The following PZP variants were observed in gnomAD, a reference collection of about 807,000 sequenced individuals.
The protein encoded by PZP is PZP alpha-2-macroglobulin like.
A neutral mutation model predicts 179.8 loss-of-function variants in PZP; 150 were observed. The observed-to-expected ratio is 0.83, with a 90% CI of 0.73 to 0.96. PZP has a LOEUF of 0.96. PZP is among the 40% of genes least tolerant of loss of function. The pLI, the probability that PZP is intolerant of heterozygous loss-of-function variation, is 0.00. For synonymous variants in PZP, 624 were observed against 652.3 expected (o/e 0.96, Z 0.66); for missense variants, 1,689 against 1,764.0 (o/e 0.96, Z 0.76).
chr12:9,177,455 C>T (rs1045271993), intron 15 of PZP, among the ~76,000 whole-genome samples: 2 of 152,190 alleles, frequency 1.3e-5, no homozygotes, highest in Admixed American at 6.5e-5. Context: ...GCTAGACCCA[C>T]CTAGCTAAGC....
At chr12:9,158,307 C>T in intron 26 of PZP, 113 bp downstream of exon 26, 1 of 1,414,712 alleles carries the variant, frequency 7.1e-7, no homozygotes, top group Non-Finnish European at 9.7e-7. Flanking sequence ...GATGCCATCC[C>T]ACATCATCCA....
At chr12:9,151,391 TATTC>T (rs1940342473) in intron 33 of PZP, among the ~76,000 whole-genome samples, 1 of 152,212 alleles carries the variant, frequency 6.6e-6, no homozygotes, top group East Asian at 1.9e-4. Flanking sequence ...TTCATAGAAA[TATTC>T]ATATTCCAAT....
At chr12:9,172,619 T>A (rs1433093391) in intron 15 of PZP, among the ~76,000 whole-genome samples, 9 of 151,868 alleles carry the variant, frequency 5.9e-5, no homozygotes, top group Non-Finnish European at 1.3e-4. Context: ...AGACACAGGC[T>A]CAAAATAAAG....
intron 22 of PZP, chr12:9,162,346 G>C (rs777913125): frequency 1.8e-4 from 76 of 411,360 alleles, no homozygotes; most frequent in Middle Eastern, 6.4e-4. Context: ...GGGCTATCCA[G>C]GTAAAAGGGC....
At chr12:9,187,077 CAAA>C (rs59000486) in intron 13 of PZP, among the ~76,000 whole-genome samples, 24 of 128,694 alleles carry the variant, frequency 1.9e-4, no homozygotes, top group South Asian at 7.6e-4. Flanking sequence ...CAAGAAAGGT[CAAA>C]AAAAAAAAAA....
intron 13 of PZP, among the ~76,000 whole-genome samples, chr12:9,184,804 G>C (rs1280300572): frequency 2.0e-5 from 3 of 152,178 alleles, no homozygotes; most frequent in African/African-American, 7.2e-5. Context: ...GTCCTGAACT[G>C]AGCCTTGCTC....
At chr12:9,187,517 A>C (rs1267470515) in intron 13 of PZP, among the ~76,000 whole-genome samples, 1 of 152,222 alleles carries the variant, frequency 6.6e-6, no homozygotes. Flanking sequence ...AGAATTCAAT[A>C]AGAAGAAAAT....
intron 13 of PZP, among the ~76,000 whole-genome samples, chr12:9,191,914 T>A (rs1943479216): frequency 6.6e-6 from 1 of 152,184 alleles, no homozygotes; most frequent in Admixed American, 6.5e-5. Flanking sequence ...AGAAGGCAGC[T>A]TAGATTTTGA....
chr12:9,150,484 A>C (rs551762403), intron 34 of PZP, among the ~76,000 whole-genome samples, 160 bp downstream of exon 34: 5 of 152,108 alleles, frequency 3.3e-5, no homozygotes, highest in Non-Finnish European at 7.4e-5. Context: ...GGGTTTTGCT[A>C]TGTTGGCCAG....
At chr12:9,189,556 CA>C (rs1440143526) in intron 13 of PZP, among the ~76,000 whole-genome samples, 6 of 152,144 alleles carry the variant, frequency 3.9e-5, no homozygotes, top group Non-Finnish European at 8.8e-5. Flanking sequence ...ACAACCTAGG[CA>C]ATACCATTCT....
chr12:9,167,768 A>G (rs758703061), intron 17 of PZP, among the ~76,000 whole-genome samples: 12 of 152,068 alleles, frequency 7.9e-5, no homozygotes, highest in Non-Finnish European at 1.5e-4. Context: ...TATGCCGTCA[A>G]TTTTCCATCT....
intron 34 of PZP, among the ~76,000 whole-genome samples, chr12:9,150,125 T>C (rs1459947253): frequency 6.6e-6 from 1 of 152,222 alleles, no homozygotes; most frequent in Non-Finnish European, 1.5e-5. Context: ...TAATAGTCTT[T>C]CCTGTTATGT....
At chr12:9,157,882 TGTTA>T in intron 26 of PZP, 41 bp from the exon 27 acceptor site, 1 of 1,498,700 alleles carries the variant, frequency 6.7e-7, no homozygotes, top group Non-Finnish European at 9.3e-7. Flanking sequence ...CAGTGCCAAG[TGTTA>T]GTATATTCTC....
intron 28 of PZP, among the ~76,000 whole-genome samples, 191 bp from the exon 29 acceptor site, chr12:9,155,030 A>C (rs976266629): frequency 4.6e-5 from 7 of 152,190 alleles, no homozygotes; most frequent in African/African-American, 1.7e-4. Flanking sequence ...CTGTGGTACG[A>C]AGGTAGGGTA....
intron 13 of PZP, among the ~76,000 whole-genome samples, chr12:9,188,373 C>A (rs182942019): frequency 6.6e-6 from 1 of 152,298 alleles, no homozygotes; most frequent in Non-Finnish European, 1.5e-5. Context: ...GAACATACCT[C>A]AAAATAATAA....
In PZP at chr12:9,153,226, C is replaced by T. The variant is rs146676354; in HGVS notation, c.3892G>A (p.Val1298Ile). The change falls in exon 30 of 36, where the codon GTA becomes ATA. Residue 1298 changes from valine to isoleucine, a missense_variant. Transcript: ENST00000261336. Reference protein sequence around the residue: ...DSQTFSTNFQVDNNNLLLLQQ... With the variant: ...DSQTFSTNFQIDNNNLLLLQQ... ...AGTAATAGGAGGTTGTTGTTGTCTA[C>T]TTGGAAATTTGTAGAAAAGGTCTGT... The T allele has an allele frequency of 3.6e-4, 584 of 1,614,186 alleles. 2 individuals are homozygous for T. In the African/African-American group the frequency reaches 6.7e-3, roughly 18 times the overall value.
At chr12:9,151,776 G>A (rs1184119208) in intron 32 of PZP, 104 bp from the exon 33 acceptor site, 3 of 871,568 alleles carry the variant, frequency 3.4e-6, no homozygotes, top group Non-Finnish European at 5.4e-6. Context: ...ATTCTCTGAA[G>A]AGAAGAAAGC....
Position 9,157,371 on chromosome 12 carries a change from G to T in PZP, c.3370-16C>A. On this transcript the variant is annotated splice_polypyrimidine_tract_variant and intron_variant, in intron 27 of 35. Transcript: ENST00000261336. ...CAATAGGGTTCTGTAAAGGCAAAAT[G>T]TGGTTGTGTCAAACTAGGGTGAATA... The T allele has an allele frequency of 6.2e-7, 1 of 1,604,052 alleles. No homozygotes were observed. Among genetic ancestry groups the T allele is most frequent in the Non-Finnish European group, 8.5e-7 (1 of 1,174,220 alleles).
the PZP span, among the ~76,000 whole-genome samples, chr12:9,138,590 A>G: frequency 3.9e-5 from 6 of 152,120 alleles, no homozygotes; most frequent in East Asian, 1.2e-3. Flanking sequence ...TTTTTAAAAA[A>G]ATGTGTATTA....
Sources: gnomAD v4.1 joint callset for allele counts (sites outside exome capture counted in the v4.1 genomes callset) on GRCh38, gnomAD v4.1.1 for gene constraint, MANE v1.5 for transcripts, NCBI Gene and HGNC (gene_info 2026-07-23, HGNC 2026-07-21) for gene names.